MICAL3: variants seen among roughly 807,000 people sequenced by gnomAD.
MICAL3 encodes microtubule associated monooxygenase, calponin and LIM domain containing 3.
Under a neutral mutation model 207.4 loss-of-function variants are expected in MICAL3, and 62 were observed. That is an observed-to-expected ratio of 0.30 (90% CI 0.24 to 0.37). MICAL3 has a LOEUF of 0.37. Ranked by LOEUF, MICAL3 falls within the 10% of genes least tolerant of loss-of-function variation. MICAL3 has a pLI of 1.00. For missense variants in MICAL3, 2,368 were observed against 2,635.6 expected, an observed-to-expected ratio of 0.90 and a Z score of 2.22; for synonymous variants, 1,077 against 1,069.3, an observed-to-expected ratio of 1.01 and a Z score of -0.14.
At chr22:17,898,660 A>G (rs1931068269) in intron 7 of MICAL3, among the ~76,000 whole-genome samples, 1 of 152,176 alleles carries the variant, frequency 6.6e-6, no homozygotes, top group Non-Finnish European at 1.5e-5. Flanking sequence ...TGTTTTTCTC[A>G]TCGCATGGGG....
At chr22:17,877,133 T>TATGGAGGTG (rs1928672179) in intron 16 of MICAL3, among the ~76,000 whole-genome samples, 1 of 26,490 alleles carries the variant, frequency 3.8e-5, no homozygotes, top group African/African-American at 1.2e-4. Context: ...TTATGGAGGT[T>TATGGAGGTG]AGGGAGGTTA....
At chr22:17,810,879 G>A in intron 27 of MICAL3, 66 bp from the exon 28 acceptor site, 1 of 1,278,764 alleles carries the variant, frequency 7.8e-7, no homozygotes, top group Non-Finnish European at 1.1e-6. Flanking sequence ...GTGGGCAGCA[G>A]GCCAACAGGG....
At chr22:17,803,003 A>C (rs2061955251) in intron 29 of MICAL3, among the ~76,000 whole-genome samples, 1 of 152,186 alleles carries the variant, frequency 6.6e-6, no homozygotes, top group Non-Finnish European at 1.5e-5. Flanking sequence ...GCAACCTCTA[A>C]GCTAGTGGTT....
At chr22:17,885,831 G>C (rs772824660) in intron 16 of MICAL3, 47 bp downstream of exon 16, 2 of 1,584,448 alleles carry the variant, frequency 1.3e-6, no homozygotes, top group African/African-American at 1.3e-5. Context: ...CCCCCTTCTT[G>C]TGTGATCTGA....
intron 20 of MICAL3, chr22:17,834,614 A>G: frequency 1.8e-6 from 2 of 1,118,342 alleles, no homozygotes; most frequent in Non-Finnish European, 2.2e-6. Context: ...AAGGGGAGGA[A>G]AGGTGTACGC....
intron 19 of MICAL3, among the ~76,000 whole-genome samples, chr22:17,844,583 A>G (rs796742837): frequency 2.6e-5 from 4 of 152,310 alleles, no homozygotes; most frequent in African/African-American, 9.6e-5. Context: ...TTTACTAACA[A>G]AGCAAGATCC....
rs182060016 is a variant in MICAL3 at position 17,898,049 on chromosome 22, G to A, written c.949-1068C>T. On this transcript the variant is annotated intron_variant, in intron 7 of 31. Coordinates refer to ENST00000441493, the MANE Select transcript of MICAL3 (RefSeq NM_015241.3). ...AGAAAGACTGTTTGCTCAATACTAA[G>A]TAGCCACATGGGTTTACTATTTAAC... 2.4e-3 allele frequency among the ~76,000 whole-genome samples: 360 copies of A among 151,892 alleles called. 2 individuals carry two copies. The highest frequency in any genetic ancestry group is 8.5e-3 in the African/African-American group (351 of 41,358).
intron 1 of MICAL3, among the ~76,000 whole-genome samples, chr22:17,959,793 T>C (rs1440185074): frequency 6.6e-6 from 1 of 151,472 alleles, no homozygotes; most frequent in Non-Finnish European, 1.5e-5. Flanking sequence ...AGAATCCTTC[T>C]GGGACAGAAA....
chr22:17,816,871 G>A (rs746822794), intron 26 of MICAL3, 87 bp from the exon 27 acceptor site: 25 of 973,790 alleles, frequency 2.6e-5, no homozygotes, highest in Non-Finnish European at 3.6e-5. Flanking sequence ...TGCAGCCAAG[G>A]AGGCCGGGTG....
intron 19 of MICAL3, among the ~76,000 whole-genome samples, chr22:17,857,155 C>G (rs1232299845): frequency 3.0e-4 from 46 of 152,200 alleles, no homozygotes; most frequent in Non-Finnish European, 2.9e-5. Flanking sequence ...GTCCCCACCC[C>G]CTGCGCTGTG....
In MICAL3 at chr22:17,900,578, G is replaced by A. The variant is rs1931238006; in HGVS notation, c.847+264C>T. On this transcript the variant is annotated intron_variant, in intron 6 of 31. Transcript: ENST00000441493. The surrounding 1 kb of genome is among the most constrained non-coding windows in gnomAD (Gnocchi z 4.0). ...GATCACGCCACTGAACTCCAGCCTGGGCAACAGAGCGAGACCTTGTCTCAA... is the reference window on the plus strand; with the variant it reads ...GATCACGCCACTGAACTCCAGCCTGAGCAACAGAGCGAGACCTTGTCTCAA... Among the ~76,000 whole-genome samples the A allele has an allele frequency of 6.6e-6, 1 of 152,144 alleles. No individual in the cohort carries two copies. The highest frequency in any genetic ancestry group is 1.5e-5 in the Non-Finnish European group (1 of 68,036).
intron 1 of MICAL3, among the ~76,000 whole-genome samples, chr22:17,934,429 A>T (rs941179943): frequency 6.6e-6 from 1 of 152,236 alleles, no homozygotes; most frequent in African/African-American, 2.4e-5. Context: ...AAAAACTCTC[A>T]ATAAACTAGG....
intron 1 of MICAL3, among the ~76,000 whole-genome samples, chr22:18,020,369 A>ATT (rs887725725): frequency 2.7e-4 from 41 of 151,420 alleles, no homozygotes; most frequent in African/African-American, 9.4e-4. Flanking sequence ...CTGACTGTCC[A>ATT]AACGAGTGCA....
intron 19 of MICAL3, among the ~76,000 whole-genome samples, chr22:17,855,636 A>G (rs1160835358): frequency 6.6e-6 from 1 of 152,250 alleles, no homozygotes; most frequent in Non-Finnish European, 1.5e-5. Flanking sequence ...AGTCCATTTC[A>G]TATTATTTAC....
At chr22:17,899,970 A>G (rs1236285541) in intron 6 of MICAL3, among the ~76,000 whole-genome samples, 1 of 152,238 alleles carries the variant, frequency 6.6e-6, no homozygotes, top group Non-Finnish European at 1.5e-5. Context: ...AGAGTGAACT[A>G]CTGACTTTTT....
chr22:17,930,451 A>C (rs146783418), intron 1 of MICAL3, among the ~76,000 whole-genome samples: 65 of 152,356 alleles, frequency 4.3e-4, no homozygotes, highest in African/African-American at 1.5e-3. Context: ...ACAGTCACAC[A>C]ATGGAATACC....
chr22:18,001,936 G>C (rs1029773145), intron 1 of MICAL3, among the ~76,000 whole-genome samples: 12 of 152,188 alleles, frequency 7.9e-5, no homozygotes, highest in African/African-American at 2.9e-4. Context: ...GGTGGCTAAC[G>C]CCTGTAATCC....
intron 1 of MICAL3, among the ~76,000 whole-genome samples, chr22:17,945,514 C>T (rs1038940262): frequency 5.9e-5 from 9 of 152,288 alleles, no homozygotes; most frequent in Admixed American, 3.3e-4. Flanking sequence ...AAGACCTTCA[C>T]CCATTCACAT....
chr22:17,929,020 C>T (rs1331163135), intron 1 of MICAL3, among the ~76,000 whole-genome samples: 3 of 151,494 alleles, frequency 2.0e-5, no homozygotes, highest in Non-Finnish European at 2.9e-5. Flanking sequence ...GTCTCGAACT[C>T]CTGACCTTGT....
Sources: allele counts gnomAD v4.1 joint callset (sites outside exome capture counted in the v4.1 genomes callset), GRCh38; gene constraint gnomAD v4.1.1; non-coding constraint Gnocchi (gnomAD v3.1); transcripts MANE v1.5; gene names NCBI Gene and HGNC (gene_info 2026-07-23, HGNC 2026-07-21).